AUTS2: variants seen among roughly 807,000 people sequenced by gnomAD.
AUTS2 encodes the protein autism susceptibility gene 2 protein.
In AUTS2, 17 loss-of-function variants were observed where a neutral mutation model predicts 112.4. That is an observed-to-expected ratio of 0.15 (90% CI 0.10 to 0.23). The LOEUF (loss-of-function observed/expected upper bound fraction) is 0.23. AUTS2 is among the 10% of genes least tolerant of loss of function. AUTS2 has a pLI of 1.00. For missense variants in AUTS2, 1,510 were observed against 1,701.6 expected (o/e 0.89, Z 1.98); for synonymous variants, 751 against 702.7 (o/e 1.07, Z -1.09).
intron 1 of AUTS2, among the ~76,000 whole-genome samples, chr7:69,709,282 C>T (rs1407890034): frequency 2.0e-5 from 3 of 152,188 alleles, no homozygotes; most frequent in Admixed American, 2.0e-4. Flanking sequence ...AATGGGGTAG[C>T]ATAGATCTTC....
At chr7:70,649,494 G>T (rs1017457291) in intron 5 of AUTS2, among the ~76,000 whole-genome samples, 1 of 138,952 alleles carries the variant, frequency 7.2e-6, no homozygotes, top group African/African-American at 2.7e-5. Context: ...TCCCAGTGGT[G>T]ATTTATTTTA....
At chr7:70,704,480 G>A (rs1809631271) in intron 6 of AUTS2, among the ~76,000 whole-genome samples, 1 of 152,182 alleles carries the variant, frequency 6.6e-6, no homozygotes, top group South Asian at 2.1e-4. Context: ...GCTGTCCTTT[G>A]AAAGAGTTTT....
chr7:70,485,344 A>C (rs1262976713), intron 5 of AUTS2, among the ~76,000 whole-genome samples: 1 of 152,224 alleles, frequency 6.6e-6, no homozygotes, highest in East Asian at 1.9e-4. Context: ...GCTGGAGGCC[A>C]TTATTCTAAG....
intron 2 of AUTS2, among the ~76,000 whole-genome samples, chr7:70,035,002 C>A (rs977000981): frequency 6.6e-6 from 1 of 152,114 alleles, no homozygotes; most frequent in Non-Finnish European, 1.5e-5. Context: ...TGGCTCAATT[C>A]TACTTTTGAT....
chr7:70,742,626 G>C (rs1788181247), intron 6 of AUTS2, among the ~76,000 whole-genome samples: 2 of 152,278 alleles, frequency 1.3e-5, no homozygotes, highest in South Asian at 4.1e-4. Flanking sequence ...GCCTGGCGTG[G>C]TGGCGCGTGC....
chr7:70,444,948 C>G (rs1444887320), intron 5 of AUTS2, among the ~76,000 whole-genome samples: 2 of 152,072 alleles, frequency 1.3e-5, no homozygotes, highest in South Asian at 2.1e-4. Context: ...AATATAGATG[C>G]TACTAATGTC....
chr7:70,252,571 G>T (rs534485652), intron 4 of AUTS2, among the ~76,000 whole-genome samples: 2 of 151,956 alleles, frequency 1.3e-5, no homozygotes, highest in Non-Finnish European at 2.9e-5. Flanking sequence ...TCTGCTAATC[G>T]CTTTTTTTTG....
chr7:70,003,991 AAT>A (rs1322615268), intron 2 of AUTS2, among the ~76,000 whole-genome samples: 2 of 85,076 alleles, frequency 2.4e-5, no homozygotes, highest in African/African-American at 1.0e-4. Flanking sequence ...GTTATATATG[AAT>A]ATATATATTA....
chr7:70,651,784 G>C (rs1471450854), intron 5 of AUTS2, among the ~76,000 whole-genome samples: 1 of 152,182 alleles, frequency 6.6e-6, no homozygotes, highest in African/African-American at 2.4e-5. Flanking sequence ...AGGCAAAATA[G>C]TGAGATAAAA....
chr7:70,092,265 AT>A (rs1394843937), intron 2 of AUTS2, among the ~76,000 whole-genome samples: 6 of 152,212 alleles, frequency 3.9e-5, no homozygotes, highest in Admixed American at 6.5e-5. Flanking sequence ...TATCGCAGGA[AT>A]TTTCAAATGA....
At chr7:69,882,035 A>G (rs1470138187) in intron 1 of AUTS2, among the ~76,000 whole-genome samples, 1 of 151,558 alleles carries the variant, frequency 6.6e-6, no homozygotes, top group East Asian at 1.9e-4. Flanking sequence ...CTGTAACCCC[A>G]GCTACTCAGG....
chr7:69,816,535 G>A (rs1451364840), intron 1 of AUTS2, among the ~76,000 whole-genome samples: 2 of 152,112 alleles, frequency 1.3e-5, no homozygotes, highest in African/African-American at 4.8e-5. Flanking sequence ...TGTCTGCTGC[G>A]CTTTCTTGCT....
intron 3 of AUTS2, among the ~76,000 whole-genome samples, chr7:70,131,947 T>G (rs1806294598): frequency 1.3e-5 from 2 of 151,414 alleles, no homozygotes; most frequent in Admixed American, 1.3e-4. Flanking sequence ...CAAGCAGAAG[T>G]CTCTTTATTT....
intron 2 of AUTS2, among the ~76,000 whole-genome samples, chr7:70,021,910 A>G (rs1800293927): frequency 1.3e-5 from 2 of 152,068 alleles, no homozygotes; most frequent in South Asian, 4.2e-4. Flanking sequence ...TGTGTAAGTG[A>G]CAAATTGCCT....
In AUTS2 at chr7:70,192,295, A is replaced by G. The variant is rs185028847; in HGVS notation, c.660+57724A>G. 1.2e-3 allele frequency among the ~76,000 whole-genome samples: 180 copies of G among 152,162 alleles called. 2 individuals are homozygous for G. Among genetic ancestry groups the G allele is most frequent in the African/African-American group, 4.1e-3 (170 of 41,494 alleles). ...ATTGTACTTTTGCCACCACAGGGGG[A>G]AAAAAATCCCTGTTTCTTATAAAAC... is the stretch of plus-strand genomic sequence containing the variant. On this transcript the variant is annotated intron_variant, in intron 4 of 18. Coordinates refer to ENST00000342771, the MANE Select transcript of AUTS2 (RefSeq NM_015570.4).
intron 1 of AUTS2, among the ~76,000 whole-genome samples, chr7:69,677,022 T>C (rs1796595113): frequency 2.0e-5 from 3 of 152,208 alleles, no homozygotes; most frequent in Admixed American, 2.0e-4. Context: ...AATTATCAGC[T>C]GATAGAAAAT....
chr7:69,798,369 C>T (rs188439612), intron 1 of AUTS2, among the ~76,000 whole-genome samples: 56 of 152,232 alleles, frequency 3.7e-4, no homozygotes, highest in African/African-American at 1.1e-3. Flanking sequence ...CCCTTCAGTG[C>T]GTTCGGTAAA....
chr7:69,624,193 A>G (rs1793823139), intron 1 of AUTS2, among the ~76,000 whole-genome samples: 1 of 152,198 alleles, frequency 6.6e-6, no homozygotes, highest in Non-Finnish European at 1.5e-5. Context: ...AAATATTCTC[A>G]TGATAGTTTT....
chr7:69,908,996 T>A (rs1166168643), intron 2 of AUTS2, among the ~76,000 whole-genome samples: 2 of 152,158 alleles, frequency 1.3e-5, no homozygotes, highest in South Asian at 2.1e-4. Flanking sequence ...GAACTGGAGT[T>A]CCTTCAGTGA....
Sources: allele counts gnomAD v4.1 joint callset (sites outside exome capture counted in the v4.1 genomes callset), GRCh38; gene constraint gnomAD v4.1.1; transcripts MANE v1.5; gene names NCBI Gene and HGNC (gene_info 2026-07-23, HGNC 2026-07-21).